C2orf42: variants seen among roughly 807,000 people sequenced by gnomAD.
The protein encoded by C2orf42 is uncharacterized protein C2orf42.
In C2orf42, 44 loss-of-function variants were observed where a neutral mutation model predicts 58.9. That is an observed-to-expected ratio of 0.75 (90% CI 0.59 to 0.96). The LOEUF (loss-of-function observed/expected upper bound fraction) is 0.96, where lower values mean the gene tolerates loss of function less well. C2orf42 is among the 40% of genes least tolerant of loss of function. The pLI is 0.00. For missense variants in C2orf42, 630 were observed against 699.2 expected (o/e 0.90, Z 1.12); for synonymous variants, 239 against 265.4 (o/e 0.90, Z 0.97).
intron 6 of C2orf42, among the ~76,000 whole-genome samples, chr2:70,166,001 C>A (rs13028414): frequency 0.22 from 32,710 of 151,626 alleles, 3,790 homozygotes; most frequent in Non-Finnish European, 0.24. Context: ...AGCAATCCTC[C>A]TGCCTCAGCC....
chr2:70,181,380 C>A lies in C2orf42; in HGVS notation c.606G>T (p.Gly202=), dbSNP rs1490981897. The change falls in exon 3 of 10, where the codon GGG becomes GGT. Residue 202 remains glycine, a synonymous_variant. Transcript: ENST00000264434. ...KCKASQKHSL[G]YLHTSFVQKV... ...TCTGCACAAAAGATGTATGCAAATA[C>A]CCCAAACTGTGCTTCTGGCTTGCCT... 6.2e-7 allele frequency: 1 copy of A among 1,613,952 alleles called. No homozygotes were observed. Among genetic ancestry groups the A allele is most frequent in the Non-Finnish European group, 8.5e-7 (1 of 1,179,988 alleles).
intron 1 of C2orf42, among the ~76,000 whole-genome samples, chr2:70,184,795 T>C (rs940822138): frequency 9.9e-5 from 15 of 151,114 alleles, no homozygotes; most frequent in African/African-American, 3.6e-4. Context: ...CTATTCTTCT[T>C]AAAAAATGTT....
At chr2:70,168,454 A>AT (rs1268753093) in intron 6 of C2orf42, among the ~76,000 whole-genome samples, 1 of 149,750 alleles carries the variant, frequency 6.7e-6, no homozygotes, top group Non-Finnish European at 1.5e-5. Context: ...CACCTGGCTA[A>AT]TTTTTTTGTA....
chr2:70,186,547 T>C (rs1340663821), intron 1 of C2orf42, among the ~76,000 whole-genome samples: 1 of 152,234 alleles, frequency 6.6e-6, no homozygotes, highest in African/African-American at 2.4e-5. Context: ...GAAGTCAGTG[T>C]GGCGATTCCT....
intron 1 of C2orf42, among the ~76,000 whole-genome samples, chr2:70,187,910 C>T (rs542010143): frequency 1.3e-5 from 2 of 152,114 alleles, no homozygotes; most frequent in South Asian, 4.2e-4. Flanking sequence ...AGGCTGGTCT[C>T]GAACTCCTGA....
Position 70,150,310 on chromosome 2 carries a change from G to T in C2orf42, c.*46C>A. The T allele has an allele frequency of 6.6e-7, 1 of 1,521,438 alleles. No individual in the cohort carries two copies. The highest frequency in any genetic ancestry group is 9.1e-7 in the Non-Finnish European group (1 of 1,101,430). The allele number at this position is 1,521,438 out of a possible 1,614,324, so 94.2% of individuals were successfully genotyped here. On this transcript the variant is annotated 3_prime_UTR_variant, in exon 10 of 10. Coordinates refer to ENST00000264434, the MANE Select transcript of C2orf42 (RefSeq NM_017880.3). ...CTAGCATTTAAAGTTGTCAAGGGGT[G>T]GGGATGTGCAAATTAAGCAGCAAAA...
At chr2:70,175,966 G>A (rs1460067112) in intron 4 of C2orf42, among the ~76,000 whole-genome samples, 189 bp from the exon 5 acceptor site, 1 of 152,054 alleles carries the variant, frequency 6.6e-6, no homozygotes, top group Non-Finnish European at 1.5e-5. Context: ...ATAGGAAATT[G>A]GGTGAATAAA....
At chr2:70,155,523 G>A (rs1672605845) in intron 9 of C2orf42, among the ~76,000 whole-genome samples, 1 of 152,158 alleles carries the variant, frequency 6.6e-6, no homozygotes, top group Non-Finnish European at 1.5e-5. Flanking sequence ...ATTAGGCCGG[G>A]TGTGGTGGCT....
chr2:70,158,720 TTA>T (rs1672859905), intron 9 of C2orf42, among the ~76,000 whole-genome samples: 1 of 151,476 alleles, frequency 6.6e-6, no homozygotes. Flanking sequence ...AGTGCTGGAA[TTA>T]TAGGCATGAG....
At chr2:70,171,850 A>G (rs946725286) in intron 5 of C2orf42, among the ~76,000 whole-genome samples, 1 of 152,052 alleles carries the variant, frequency 6.6e-6, no homozygotes, top group Non-Finnish European at 1.5e-5. Flanking sequence ...GAAATCTTGC[A>G]GCCCTGGAGT....
At position 70,169,435 on chromosome 2, in the gene C2orf42, T is replaced by C. The variant is rs1572999960; in HGVS notation, c.1144+122A>G. ...TTCTTTCAATTAGATTTCTACTTTC[T>C]TGTGGCCCAGTGCTCTCTGGACTGA... On this transcript the variant is annotated intron_variant, in intron 6 of 9. Coordinates refer to ENST00000264434, the MANE Select transcript of C2orf42 (RefSeq NM_017880.3). 2.6e-5 allele frequency: 12 copies of C among 460,098 alleles called. No individual in the cohort carries two copies. The East Asian group carries it at 3.2e-4, about 12-fold the overall frequency. The allele number at this position is 460,098 out of a possible 1,614,324, so 28.5% of individuals were successfully genotyped here. A position where few individuals can be genotyped will look rare whatever the true frequency, so the allele number is the denominator to read the frequency against.
chr2:70,172,478 G>A (rs1176546065), intron 5 of C2orf42, among the ~76,000 whole-genome samples: 1 of 152,046 alleles, frequency 6.6e-6, no homozygotes, highest in Admixed American at 6.6e-5. Context: ...AGGAGTTTGA[G>A]ACCAGATTGG....
chr2:70,157,317 G>C lies in C2orf42; in HGVS notation c.1516+3308C>G, dbSNP rs189045545. 7.5e-3 allele frequency among the ~76,000 whole-genome samples: 1,145 copies of C among 152,156 alleles called. 16 individuals are homozygous for C. The highest frequency in any genetic ancestry group is 0.026 in the African/African-American group (1,088 of 41,508). On this transcript the variant is annotated intron_variant, in intron 9 of 9. Coordinates refer to ENST00000264434, the MANE Select transcript of C2orf42 (RefSeq NM_017880.3). ...AAAATACAAAAAATTAGCCGGGCGA[G>C]GTGGCGGGCCTCTGTAGTCCCAGCT...
chr2:70,179,773 G>T, intron 3 of C2orf42, 131 bp from the exon 4 acceptor site: 2 of 440,756 alleles, frequency 4.5e-6, no homozygotes, highest in Non-Finnish European at 8.2e-6. Context: ...GGGCAACATA[G>T]GCAGACCCCA....
chr2:70,164,749 C>G (rs941066730), intron 8 of C2orf42, among the ~76,000 whole-genome samples: 1 of 152,126 alleles, frequency 6.6e-6, no homozygotes, highest in Non-Finnish European at 1.5e-5. Flanking sequence ...TATATCATCT[C>G]AAATTATTTA....
At chr2:70,188,575 ACCAC>A (rs1176299888) in intron 1 of C2orf42, among the ~76,000 whole-genome samples, 4 of 152,188 alleles carry the variant, frequency 2.6e-5, no homozygotes, top group Non-Finnish European at 5.9e-5. Context: ...GTTCCCAAAC[ACCAC>A]TCACCCAGTT....
intron 3 of C2orf42, 59 bp from the exon 4 acceptor site, chr2:70,179,701 G>A: frequency 1.6e-6 from 1 of 643,974 alleles, no homozygotes; most frequent in Non-Finnish European, 2.8e-6. Flanking sequence ...ATAAGTATAG[G>A]CCTCTATGTA....
intron 9 of C2orf42, among the ~76,000 whole-genome samples, chr2:70,158,092 A>G (rs916689275): frequency 6.6e-6 from 1 of 151,844 alleles, no homozygotes; most frequent in Non-Finnish European, 1.5e-5. Flanking sequence ...CCAGCTACTC[A>G]GGAGGCTGAG....
At chr2:70,159,258 G>C (rs1407252635) in intron 9 of C2orf42, among the ~76,000 whole-genome samples, 1 of 151,904 alleles carries the variant, frequency 6.6e-6, no homozygotes, top group Non-Finnish European at 1.5e-5. Flanking sequence ...AATTTTAAAA[G>C]AGAAATTATT....
Sources: allele counts gnomAD v4.1 joint callset (sites outside exome capture counted in the v4.1 genomes callset), GRCh38; gene constraint gnomAD v4.1.1; transcripts MANE v1.5; gene names NCBI Gene and HGNC (gene_info 2026-07-23, HGNC 2026-07-21).